The following NAGK variants were observed in gnomAD, a reference collection of about 807,000 sequenced individuals.
NAGK encodes the protein N-acetylglucosamine kinase, also known as N-acetyl-D-glucosamine kinase.
NAGK carries 35 observed loss-of-function variants against 42.9 expected under a neutral mutation model. The observed-to-expected ratio is 0.82, with a 90% confidence interval of 0.62 to 1.08. The LOEUF is 1.08. Among genes scored for constraint, NAGK ranks in the 50% least tolerant of loss-of-function variants. NAGK has a pLI of 0.00. For missense variants in NAGK, 446 were observed against 446.0 expected (o/e 1.00, Z 0.00); for synonymous variants, 172 against 176.0 (o/e 0.98, Z 0.18).
upstream of NAGK, chr2:71,068,431 G>T (rs1204676435): frequency 7.5e-7 from 1 of 1,330,164 alleles, no homozygotes; most frequent in Non-Finnish European, 9.7e-7. Flanking sequence ...CAGGATCCAG[G>T]AGGACGGGAG....
intron 8 of NAGK, among the ~76,000 whole-genome samples, chr2:71,077,268 C>T (rs1426313646): frequency 6.6e-6 from 1 of 152,228 alleles, no homozygotes; most frequent in East Asian, 1.9e-4. Flanking sequence ...AGCCTGTCCC[C>T]TTTCTTTCAG....
intron 5 of NAGK, 177 bp downstream of exon 5, chr2:71,072,928 C>T (rs569783754): frequency 4.7e-5 from 32 of 678,808 alleles, no homozygotes; most frequent in Non-Finnish European, 2.9e-5. Context: ...AAATGCTGGA[C>T]GAGCTGCTGA....
chr2:71,077,117 A>G (rs1228743939), intron 8 of NAGK, among the ~76,000 whole-genome samples: 1 of 152,150 alleles, frequency 6.6e-6, no homozygotes, highest in Non-Finnish European at 1.5e-5. Context: ...CTGGGATTAC[A>G]GGCGCGCATC....
rs772696470 is a variant in NAGK at position 71,075,643 on chromosome 2, G to T, written c.667+1G>T. The T allele has an allele frequency of 6.2e-7, 1 of 1,605,728 alleles. No individual in the cohort carries two copies. The highest frequency in any genetic ancestry group is 8.5e-7 in the Non-Finnish European group (1 of 1,172,434). On this transcript the variant is annotated splice_donor_variant, in intron 7 of 9. Coordinates refer to ENST00000244204, the MANE Select transcript of NAGK (RefSeq NM_017567.6). LOFTEE classifies it high-confidence loss of function. ...GGGTTTTGCCGGAAAATTGCAGAAG[G>T]TACTGGAGGTGGGGGGTGGGTTTTA... is the stretch of plus-strand genomic sequence containing the variant.
In NAGK at chr2:71,068,667, G is replaced by A. The variant is rs766941031; in HGVS notation, c.-17G>A. 1 of 1,521,078 alleles carries A rather than the reference G, an allele frequency of 6.6e-7. No homozygotes were observed. Among genetic ancestry groups the A allele is most frequent in the South Asian group, 1.2e-5 (1 of 81,706 alleles). 94.2% of individuals were successfully genotyped at this position (1,521,078 alleles called of 1,614,324 possible). On this transcript the variant is annotated 5_prime_UTR_variant, in exon 1 of 10. Transcript: ENST00000244204. ...AGAGACGCAAACGGCGGGACCAGCAGCGACGGTAGCAGCAGCATGGCCGCG... is the reference window on the plus strand; with the variant it reads ...AGAGACGCAAACGGCGGGACCAGCAACGACGGTAGCAGCAGCATGGCCGCG...
chr2:71,068,621 G>C, upstream of NAGK: 1 of 1,523,970 alleles, frequency 6.6e-7, no homozygotes, highest in Non-Finnish European at 8.8e-7. Flanking sequence ...ACAGCTGGAG[G>C]GAAGGAGGTG....
Position 71,073,562 on chromosome 2 carries a change from T to C in NAGK, c.547T>C (p.Tyr183His), listed in dbSNP as rs139590364. Residue 183 changes from tyrosine (Y) to histidine (H), a missense_variant, in exon 6 of 10, where the codon TAC becomes CAC. Transcript: ENST00000244204. Reference protein sequence around the residue: ...NLEAAPHDIGYVKQAMFHYFQ... With the variant: ...NLEAAPHDIGHVKQAMFHYFQ... ...AGAGGCGGCTCCTCATGATATCGGC[T>C]ACGTCAAACAGGCCATGTTCCACTA... 70 of 1,613,904 alleles carry C rather than the reference T, an allele frequency of 4.3e-5. No individual in the cohort carries two copies. Among genetic ancestry groups the C allele is most frequent in the Non-Finnish European group, 5.7e-5 (67 of 1,179,908 alleles).
intron 1 of NAGK, 193 bp downstream of exon 1, chr2:71,068,905 T>A: frequency 1.5e-6 from 2 of 1,303,782 alleles, no homozygotes; most frequent in Non-Finnish European, 1.9e-6. Flanking sequence ...ACTCTGCCTG[T>A]GCAACAGCCA....
Position 71,078,302 on chromosome 2 carries a change from G to A in NAGK, c.845-16G>A. On this transcript the variant is annotated splice_polypyrimidine_tract_variant and intron_variant, in intron 9 of 9. Coordinates refer to ENST00000244204, the MANE Select transcript of NAGK (RefSeq NM_017567.6). ...CTGTTCTCCTCTTATCTCTGTCCTT[G>A]TGTTCTTCCCTCCAGGTTTTCTTCT... The A allele has an allele frequency of 6.2e-7, 1 of 1,612,646 alleles. No individual in the cohort carries two copies. The highest frequency in any genetic ancestry group is 8.5e-7 in the Non-Finnish European group (1 of 1,178,682).
upstream of NAGK, chr2:71,068,526 A>T: frequency 6.9e-7 from 1 of 1,458,988 alleles, no homozygotes; most frequent in Non-Finnish European, 9.0e-7. Context: ...CCCGGCTCCT[A>T]CCGGCGCCCC....
intron 7 of NAGK, 184 bp downstream of exon 7, chr2:71,075,826 G>A (rs550190224): frequency 7.0e-5 from 42 of 601,716 alleles, no homozygotes; most frequent in South Asian, 5.8e-4. Context: ...CACGTGGGTC[G>A]TGTTGACAGT....
At chr2:71,068,772 G>T in intron 1 of NAGK, 60 bp downstream of exon 1, 1 of 1,436,358 alleles carries the variant, frequency 7.0e-7, no homozygotes, top group Non-Finnish European at 9.1e-7. Context: ...GCCGTGGCCA[G>T]CCTGGCAAGC....
Position 71,072,758 on chromosome 2 carries a change from T to C in NAGK, c.466+7T>C. The C allele has an allele frequency of 6.2e-7, 1 of 1,610,434 alleles. No homozygotes were observed. Among genetic ancestry groups the C allele is most frequent in the Non-Finnish European group, 8.5e-7 (1 of 1,176,972 alleles). On this transcript the variant is annotated splice_region_variant and intron_variant, in intron 5 of 9. Coordinates refer to ENST00000244204, the MANE Select transcript of NAGK (RefSeq NM_017567.6). ...ATGGGTGATGAGGGTTCAGGTGAGC[T>C]CACTGACTGGCCCAGCTCCAGGTCC...
intron 9 of NAGK, 110 bp downstream of exon 9, chr2:71,077,746 C>A: frequency 8.6e-7 from 1 of 1,162,134 alleles, no homozygotes; most frequent in Non-Finnish European, 1.2e-6. Flanking sequence ...GACCCTGAGG[C>A]CTAGACAGGC....
rs752973643 is a variant in NAGK at position 71,070,506 on chromosome 2, G to A, written c.34G>A (p.Gly12Ser). ...GTGCCCTCTTGTGTTCTGTAGGGGA[G>A]GCACACGATCCGAGGTCCTTTTAGT... is the stretch of plus-strand genomic sequence containing the variant. ...AAIYGGVEGG[G>S]TRSEVLLVSE... Residue 12 changes from glycine (G) to serine (S), a missense_variant, in exon 2 of 10, where the codon GGC becomes AGC. Coordinates refer to ENST00000244204, the MANE Select transcript of NAGK (RefSeq NM_017567.6). The A allele has an allele frequency of 3.1e-6, 5 of 1,613,702 alleles. No individual in the cohort carries two copies. In the Admixed American group the frequency reaches 8.3e-5, roughly 27 times the overall value.
At chr2:71,072,082 C>T (rs531200545) in intron 4 of NAGK, among the ~76,000 whole-genome samples, 33 of 152,080 alleles carry the variant, frequency 2.2e-4, no homozygotes, top group African/African-American at 7.2e-4. Flanking sequence ...CACCTGGGGG[C>T]GGTGTAGTGA....
At chr2:71,073,460 T>A in intron 5 of NAGK, 22 bp from the exon 6 acceptor site, 1 of 1,559,106 alleles carries the variant, frequency 6.4e-7, no homozygotes, top group Non-Finnish European at 8.8e-7. Flanking sequence ...CCCATCTTCT[T>A]AGCCCTCTCT....
rs757709434 is a variant in NAGK at position 71,076,621 on chromosome 2, C to T, written c.685C>T (p.Pro229Ser). Reference sequence around the variant, plus strand: ...TACCCCAGGTGCTCAGCAGGGAGACCCCCTTTCCCGCTATATCTTCAGGAA... The same window carrying T: ...TACCCCAGGTGCTCAGCAGGGAGACTCCCTTTCCCGCTATATCTTCAGGAA... ...KIAEGAQQGD[P>S]LSRYIFRKAG... The change falls in exon 8 of 10, where the codon CCC (proline) becomes TCC (serine). Residue 229 changes from proline to serine, a missense_variant. Physicochemically the swap from Pro to Ser is moderately conservative, Grantham distance 74. Coordinates refer to ENST00000244204, the MANE Select transcript of NAGK (RefSeq NM_017567.6). 23 of 1,613,422 alleles carry T rather than the reference C, an allele frequency of 1.4e-5. No individual in the cohort carries two copies. In the East Asian group the frequency reaches 3.1e-4, roughly 22 times the overall value.
At chr2:71,068,524 CT>C (rs1671866721), upstream of NAGK, 2 of 1,456,336 alleles carry the variant, frequency 1.4e-6, no homozygotes, top group East Asian at 5.9e-5. Flanking sequence ...TCCCCGGCTC[CT>C]ACCGGCGCCC....
Sources: gnomAD v4.1 joint callset for allele counts (sites outside exome capture counted in the v4.1 genomes callset) on GRCh38, gnomAD v4.1.1 for gene constraint, MANE v1.5 for transcripts, NCBI Gene and HGNC (gene_info 2026-07-23, HGNC 2026-07-21) for gene names.